Variants in DDHD1 observed in about 807,000 individuals in gnomAD.
DDHD1 encodes DDHD domain containing 1.
A neutral mutation model predicts 96.4 loss-of-function variants in DDHD1; 49 were observed. The observed-to-expected ratio is 0.51, with a 90% CI of 0.40 to 0.64. DDHD1 has a LOEUF of 0.64. Among genes scored for constraint, DDHD1 ranks in the 30% least tolerant of loss-of-function variants. The pLI is 0.00. For synonymous variants in DDHD1, 442 were observed against 446.5 expected (o/e 0.99, Z 0.13); for missense variants, 1,106 against 1,161.2 (o/e 0.95, Z 0.69).
chr14:53,151,603 C>T (rs757767852), intron 1 of DDHD1, among the ~76,000 whole-genome samples: 5 of 152,092 alleles, frequency 3.3e-5, no homozygotes, highest in Admixed American at 6.5e-5. Flanking sequence ...ATGAGGAAGA[C>T]GAGGCATAGA....
chr14:53,074,221 T>C (rs1363629408), intron 4 of DDHD1, among the ~76,000 whole-genome samples: 1 of 151,916 alleles, frequency 6.6e-6, no homozygotes, highest in Non-Finnish European at 1.5e-5. Context: ...ATCCTTTCCA[T>C]AATATAAATT....
chr14:53,067,232 A>G (rs1403234669), intron 6 of DDHD1, among the ~76,000 whole-genome samples: 6 of 148,784 alleles, frequency 4.0e-5, no homozygotes, highest in African/African-American at 1.5e-4. Flanking sequence ...GACCTCGACT[A>G]ACTGCAACCT....
At chr14:53,056,331 GC>G (rs1883052025) in intron 9 of DDHD1, among the ~76,000 whole-genome samples, 1 of 152,168 alleles carries the variant, frequency 6.6e-6, no homozygotes, top group Non-Finnish European at 1.5e-5. Context: ...TAAATCAGAT[GC>G]CAGCATAAGA....
intron 1 of DDHD1, among the ~76,000 whole-genome samples, chr14:53,122,821 C>A (rs1434759485): frequency 2.6e-5 from 4 of 151,986 alleles, no homozygotes; most frequent in African/African-American, 4.8e-5. Context: ...CCCACCTCAG[C>A]CTCCCAAAGT....
At chr14:53,127,070 C>T (rs373046466) in intron 1 of DDHD1, among the ~76,000 whole-genome samples, 50 of 152,038 alleles carry the variant, frequency 3.3e-4, no homozygotes, top group East Asian at 1.9e-3. Context: ...CAGATGTAAA[C>T]GCTTGAACAT....
chr14:53,079,856 TTTA>T (rs1386419778), intron 4 of DDHD1, among the ~76,000 whole-genome samples: 1 of 152,138 alleles, frequency 6.6e-6, no homozygotes, highest in Non-Finnish European at 1.5e-5. Flanking sequence ...GCATGCCTCT[TTTA>T]TTTTTTGCTG....
At chr14:53,094,126 G>A (rs999840914) in intron 2 of DDHD1, among the ~76,000 whole-genome samples, 6 of 151,456 alleles carry the variant, frequency 4.0e-5, no homozygotes, top group Non-Finnish European at 5.9e-5. Context: ...GCAGTGAGCC[G>A]AGATCACGCC....
intron 1 of DDHD1, among the ~76,000 whole-genome samples, chr14:53,117,548 C>A (rs1305944851): frequency 6.6e-6 from 1 of 152,180 alleles, no homozygotes; most frequent in African/African-American, 2.4e-5. Flanking sequence ...ACTGCTAGCG[C>A]AACAGTCTGA....
At chr14:53,150,916 C>T (rs573109393) in intron 1 of DDHD1, among the ~76,000 whole-genome samples, 1 of 152,300 alleles carries the variant, frequency 6.6e-6, no homozygotes, top group Admixed American at 6.5e-5. Flanking sequence ...TAACAGATCT[C>T]ACTAAATCTG....
At chr14:53,137,319 C>T (rs557482888) in intron 1 of DDHD1, among the ~76,000 whole-genome samples, 16 of 152,274 alleles carry the variant, frequency 1.1e-4, no homozygotes, top group African/African-American at 3.1e-4. Flanking sequence ...AGGCCAGGTG[C>T]GGTGGCTCAC....
intron 6 of DDHD1, among the ~76,000 whole-genome samples, chr14:53,066,379 T>C (rs1489350175): frequency 6.6e-6 from 1 of 152,110 alleles, no homozygotes; most frequent in African/African-American, 2.4e-5. Flanking sequence ...CTCGAATTCC[T>C]GACCTCAAGT....
intron 6 of DDHD1, among the ~76,000 whole-genome samples, chr14:53,063,899 T>A (rs191264441): frequency 6.6e-6 from 1 of 152,226 alleles, no homozygotes; most frequent in East Asian, 1.9e-4. Context: ...TTCTTTGAAA[T>A]TAAGCTTTAA....
chr14:53,129,512 G>A (rs1889706700), intron 1 of DDHD1, among the ~76,000 whole-genome samples: 1 of 152,102 alleles, frequency 6.6e-6, no homozygotes, highest in Non-Finnish European at 1.5e-5. Flanking sequence ...ATCACTGCGG[G>A]GATGCCTGCC....
chr14:53,093,259 T>C, intron 3 of DDHD1, 57 bp downstream of exon 3: 4 of 1,535,480 alleles, frequency 2.6e-6, no homozygotes, highest in South Asian at 1.3e-5. Context: ...ATTTTGAATA[T>C]GAGAGAAAGT....
Position 53,119,016 on chromosome 14 carries a change from C to T in DDHD1, c.839-15160G>A, listed in dbSNP as rs191168638. Among the ~76,000 whole-genome samples the T allele has an allele frequency of 5.4e-3, 817 of 152,250 alleles. 5 individuals are homozygous for T. The highest frequency in any genetic ancestry group is 0.017 in the Middle Eastern group (5 of 294). ...AGAGTGGGGGCCAATATTCAACATT[C>T]TTAAAGAAAAGGATTTTCAACCCAG... is the stretch of plus-strand genomic sequence containing the variant. On this transcript the variant is annotated intron_variant, in intron 1 of 12. Coordinates refer to ENST00000673822, the MANE Select transcript of DDHD1 (RefSeq NM_001160148.2).
At chr14:53,062,865 A>G (rs959808298) in intron 7 of DDHD1, 78 bp downstream of exon 7, 2 of 1,430,758 alleles carry the variant, frequency 1.4e-6, no homozygotes, top group African/African-American at 1.4e-5. Flanking sequence ...TTATCATGAA[A>G]TTCTTAGTTT....
intron 1 of DDHD1, among the ~76,000 whole-genome samples, chr14:53,145,512 A>G (rs1890921293): frequency 1.3e-5 from 2 of 149,844 alleles, no homozygotes; most frequent in Non-Finnish European, 3.0e-5. Flanking sequence ...CAAAAAAAAA[A>G]AAAAAAAAAA....
At chr14:53,091,980 G>A (rs750982256) in intron 3 of DDHD1, 48 bp from the exon 4 acceptor site, 1 of 1,529,362 alleles carries the variant, frequency 6.5e-7, no homozygotes, top group South Asian at 1.2e-5. Context: ...CTGAGAAATA[G>A]CATTTCCACA....
intron 1 of DDHD1, among the ~76,000 whole-genome samples, chr14:53,124,386 T>C (rs1452357257): frequency 2.6e-5 from 4 of 152,094 alleles, no homozygotes; most frequent in Non-Finnish European, 5.9e-5. Context: ...CTAGAAACTG[T>C]AATCTAAAAG....
Sources: gnomAD v4.1 joint callset for allele counts (sites outside exome capture counted in the v4.1 genomes callset) on GRCh38, gnomAD v4.1.1 for gene constraint, MANE v1.5 for transcripts, NCBI Gene and HGNC (gene_info 2026-07-23, HGNC 2026-07-21) for gene names.